SPATA13: variants seen among roughly 807,000 people sequenced by gnomAD.
SPATA13 encodes spermatogenesis-associated protein 13.
Under a neutral mutation model 104.0 loss-of-function variants are expected in SPATA13, and 50 were observed. The ratio of observed to expected loss-of-function variants is 0.48; its 90% CI spans 0.38 to 0.61. The LOEUF is 0.61. SPATA13 is among the 20% of genes least tolerant of loss of function. The pLI is 0.00. For synonymous variants in SPATA13, 606 were observed against 667.5 expected, an observed-to-expected ratio of 0.91 and a Z score of 1.42; for missense variants, 1,524 against 1,690.6, an observed-to-expected ratio of 0.90 and a Z score of 1.73.
At position 24,223,280 on chromosome 13, in the gene SPATA13, G is replaced by A. The variant is rs754878476; in HGVS notation, c.351G>A (p.Leu117=). 4.5e-6 allele frequency: 7 copies of A among 1,551,528 alleles called. No homozygotes were observed. Among genetic ancestry groups the A allele is most frequent in the Non-Finnish European group, 6.1e-6 (7 of 1,147,000 alleles). The change falls in exon 2 of 13, where the codon CTG becomes CTA. Residue 117 remains leucine, a synonymous_variant. Transcript: ENST00000382108. ...GGAAAATGGGATCCTTTAAGAAACT[G>A]AAGTCCTCAGTCCTGAAAGGAATTC... ...SFRKMGSFKK[L]KSSVLKGIQS... is the part of the protein sequence containing the mutation.
chr13:24,132,325 T>A (rs1398268129), intron 3 of SPATA13, among the ~76,000 whole-genome samples: 1 of 152,242 alleles, frequency 6.6e-6, no homozygotes, highest in Non-Finnish European at 1.5e-5. Flanking sequence ...AGTTGAGCCA[T>A]CATGCTCAGG....
chr13:24,168,265 G>T (rs73450919), intron 1 of SPATA13, among the ~76,000 whole-genome samples: 1,548 of 152,260 alleles, frequency 0.01, 26 homozygotes, highest in African/African-American at 0.036. Flanking sequence ...TTTAATTTCT[G>T]TCAGTTTCTA....
rs1014373559 is a variant in SPATA13, at chr13:24,304,155, A to G, written c.*1382A>G. ...AAACAGGGCATAACCATGTCACGTG[A>G]GCATGTCATCAGGCTTCTGAGGACT... On this transcript the variant is annotated 3_prime_UTR_variant, in exon 13 of 13. Coordinates refer to ENST00000382108, the MANE Select transcript of SPATA13 (RefSeq NM_001166271.3). The G allele has an allele frequency of 2.6e-5, 4 of 152,226 alleles. No individual in the cohort carries two copies. The highest frequency in any genetic ancestry group is 6.5e-5 in the Admixed American group (1 of 15,282). The allele number at this position is 152,226 out of a possible 1,614,324, so 9.4% of individuals were successfully genotyped here. A position where few individuals can be genotyped will look rare whatever the true frequency, so the allele number is the denominator to read the frequency against.
At chr13:24,078,924 C>T (rs976717792) in intron 3 of SPATA13, among the ~76,000 whole-genome samples, 3 of 152,228 alleles carry the variant, frequency 2.0e-5, no homozygotes, top group Non-Finnish European at 4.4e-5. Flanking sequence ...GGCACAGCTT[C>T]TTGGTAATTA....
chr13:24,138,546 TAATA>T (rs1405450746), intron 3 of SPATA13, among the ~76,000 whole-genome samples: 2 of 152,142 alleles, frequency 1.3e-5, no homozygotes, highest in Admixed American at 1.3e-4. Context: ...TATGTTAATT[TAATA>T]GTTATAATTT....
At chr13:24,226,303 TCAC>T (rs1450223050) in intron 2 of SPATA13, among the ~76,000 whole-genome samples, 1 of 152,162 alleles carries the variant, frequency 6.6e-6, no homozygotes, top group Non-Finnish European at 1.5e-5. Flanking sequence ...CCCACCACCA[TCAC>T]TAAGTCTGTT....
intron 3 of SPATA13, among the ~76,000 whole-genome samples, chr13:24,116,878 G>T (rs915464268): frequency 4.6e-5 from 7 of 152,108 alleles, no homozygotes. Context: ...ATGCCATCAG[G>T]TGAAGAGATA....
rs116511406 is a variant in SPATA13 at position 24,100,846 on chromosome 13, C to T, written c.-112+83145C>T. On this transcript the variant is annotated intron_variant, in intron 3 of 14. Transcript: ENST00000424834. ...ATCTTCATCCAAGCTTCCCACCCTC[C>T]TTCTGGTGAACTCTTGCCTTGAGTA... Among the ~76,000 whole-genome samples the T allele has an allele frequency of 7.8e-3, 1,188 of 152,332 alleles. 14 individuals carry two copies. Among genetic ancestry groups the T allele is most frequent in the African/African-American group, 0.027 (1,137 of 41,574 alleles).
chr13:24,074,628 G>A (rs996105527), intron 3 of SPATA13, among the ~76,000 whole-genome samples: 1 of 97,074 alleles, frequency 1.0e-5, no homozygotes, highest in African/African-American at 3.9e-5. Flanking sequence ...CCAATGAGGA[G>A]TAAAGTGATT....
intron 2 of SPATA13, among the ~76,000 whole-genome samples, chr13:24,006,424 C>A (rs1876231976): frequency 1.3e-5 from 2 of 152,154 alleles, no homozygotes; most frequent in South Asian, 4.1e-4. Context: ...CGGTGTCAGA[C>A]AACGACAAGA....
intron 3 of SPATA13, among the ~76,000 whole-genome samples, chr13:24,076,145 C>A (rs1231281657): frequency 6.6e-6 from 1 of 152,152 alleles, no homozygotes; most frequent in Non-Finnish European, 1.5e-5. Context: ...GATGTGCATT[C>A]TTGACTGAGA....
At chr13:23,996,465 C>A (rs1383923087) in intron 2 of SPATA13, among the ~76,000 whole-genome samples, 1 of 152,120 alleles carries the variant, frequency 6.6e-6, no homozygotes, top group Admixed American at 6.5e-5. Context: ...AGTGACTGAA[C>A]TGGGGCTGTC....
At chr13:24,200,533 C>T (rs772284346) in intron 1 of SPATA13, among the ~76,000 whole-genome samples, 8 of 152,082 alleles carry the variant, frequency 5.3e-5, no homozygotes, top group Non-Finnish European at 8.8e-5. Flanking sequence ...CAAGAGGTGA[C>T]ATCATTCTGA....
chr13:24,007,440 G>GT (rs1876283022), intron 2 of SPATA13, among the ~76,000 whole-genome samples: 2 of 152,196 alleles, frequency 1.3e-5, no homozygotes, highest in South Asian at 4.1e-4. Flanking sequence ...TGATGTTTAA[G>GT]TTGCAAGGCT....
chr13:24,031,590 T>A (rs377468417), intron 3 of SPATA13, among the ~76,000 whole-genome samples: 334 of 152,318 alleles, frequency 2.2e-3, no homozygotes, highest in African/African-American at 7.0e-3. Context: ...TGAACATTTT[T>A]AATAACTGAG....
At chr13:24,063,658 CCTT>C (rs1420323787) in intron 3 of SPATA13, among the ~76,000 whole-genome samples, 1 of 152,200 alleles carries the variant, frequency 6.6e-6, no homozygotes, top group African/African-American at 2.4e-5. Context: ...GGGGGCGGCT[CCTT>C]CTCCCACATC....
At chr13:24,024,357 G>T (rs111594974) in intron 3 of SPATA13, among the ~76,000 whole-genome samples, 1 of 42,236 alleles carries the variant, frequency 2.4e-5, no homozygotes, top group Non-Finnish European at 9.0e-5. Context: ...ATGGATGGAC[G>T]GATGGATGGA....
intron 1 of SPATA13, among the ~76,000 whole-genome samples, chr13:23,980,458 C>T (rs1008674583): frequency 6.6e-6 from 1 of 152,268 alleles, no homozygotes; most frequent in East Asian, 1.9e-4. Flanking sequence ...CCACAGTCCG[C>T]TGGCAGCCTC....
chr13:24,258,540 G>A (rs528970038), intron 4 of SPATA13, among the ~76,000 whole-genome samples: 5 of 151,902 alleles, frequency 3.3e-5, no homozygotes, highest in South Asian at 2.1e-4. Flanking sequence ...GTTGTCGTGC[G>A]TTCCTGTAGT....
Sources: gnomAD v4.1 joint callset for allele counts (sites outside exome capture counted in the v4.1 genomes callset) on GRCh38, gnomAD v4.1.1 for gene constraint, MANE v1.5 for transcripts, NCBI Gene and HGNC (gene_info 2026-07-23, HGNC 2026-07-21) for gene names.